UBXN2B: variants seen among roughly 807,000 people sequenced by gnomAD.
UBXN2B encodes the protein UBX domain-containing protein 2B.
In UBXN2B, 19 loss-of-function variants were observed where a neutral mutation model predicts 37.5. That is an observed-to-expected ratio of 0.51 (90% CI 0.35 to 0.74). The LOEUF is 0.74. UBXN2B is among the 30% of genes least tolerant of loss of function. The pLI, the probability that UBXN2B is intolerant of heterozygous loss-of-function variation, is 0.01. For synonymous variants in UBXN2B, 145 were observed against 143.8 expected (o/e 1.01, Z -0.06); for missense variants, 370 against 393.2 (o/e 0.94, Z 0.50).
intron 2 of UBXN2B, among the ~76,000 whole-genome samples, chr8:58,419,405 GC>G (rs780724846): frequency 8.5e-4 from 130 of 152,264 alleles, no homozygotes; most frequent in Non-Finnish European, 9.1e-4. Flanking sequence ...GTCATTTTAA[GC>G]CAAGACAGTT....
intron 2 of UBXN2B, among the ~76,000 whole-genome samples, chr8:58,418,241 CAAAAAAAAAAAAA>C (rs56073006): frequency 3.7e-5 from 4 of 109,120 alleles, no homozygotes; most frequent in Non-Finnish European, 5.6e-5. Flanking sequence ...ACTCTGTCTC[CAAAAAAAAAAAAA>C]AAAAAAAAAA....
chr8:58,425,762 A>G (rs919716249), intron 2 of UBXN2B: 3 of 1,147,790 alleles, frequency 2.6e-6, no homozygotes, highest in Admixed American at 3.4e-5. Context: ...TGTTTCCATC[A>G]TAGGATTCTT....
chr8:58,442,388 T>C (rs1808570815), intron 6 of UBXN2B, among the ~76,000 whole-genome samples: 1 of 152,242 alleles, frequency 6.6e-6, no homozygotes, highest in Admixed American at 6.5e-5. Context: ...TTAACCTTCA[T>C]TTAGAAAGTA....
intron 6 of UBXN2B, among the ~76,000 whole-genome samples, chr8:58,440,620 T>TA (rs1339874046): frequency 6.6e-6 from 1 of 152,200 alleles, no homozygotes; most frequent in Non-Finnish European, 1.5e-5. Flanking sequence ...CGTCCACATA[T>TA]TGTTGCAGGT....
At chr8:58,434,362 TATATA>T in intron 4 of UBXN2B, 28 bp from the exon 5 acceptor site, 4 of 585,868 alleles carry the variant, frequency 6.8e-6, no homozygotes, top group Admixed American at 4.7e-5. Flanking sequence ...TATATATATA[TATATA>T]TATTTTTTTT....
intron 2 of UBXN2B, chr8:58,425,818 T>A (rs1393581956): frequency 8.5e-7 from 1 of 1,169,634 alleles, no homozygotes; most frequent in African/African-American, 1.5e-5. Context: ...ACCGTTCTCC[T>A]CCACCAACAT....
intron 2 of UBXN2B, among the ~76,000 whole-genome samples, chr8:58,427,832 G>A (rs1247533155): frequency 6.6e-6 from 1 of 152,170 alleles, no homozygotes; most frequent in East Asian, 1.9e-4. Context: ...TAAATATTTT[G>A]ATGATGACAT....
chr8:58,428,859 A>G (rs1368437300), intron 2 of UBXN2B, among the ~76,000 whole-genome samples: 1 of 152,238 alleles, frequency 6.6e-6, no homozygotes, highest in East Asian at 1.9e-4. Context: ...AGTGCAGAGC[A>G]GTGAGGGGCA....
chr8:58,446,071 A>C lies in UBXN2B; in HGVS notation c.833+3A>C. ...CAAAGATTCAATAGTACACACAGGT[A>C]AGCTTCTTTACCAACAGTGTCCTGT... is the stretch of plus-strand genomic sequence containing the variant. On this transcript the variant is annotated splice_donor_region_variant and intron_variant, in intron 7 of 7. Coordinates refer to ENST00000399598, the MANE Select transcript of UBXN2B (RefSeq NM_001077619.2). 6.2e-7 allele frequency: 1 copy of C among 1,604,598 alleles called. No individual in the cohort carries two copies.
intron 1 of UBXN2B, among the ~76,000 whole-genome samples, chr8:58,416,477 G>A (rs1225569689): frequency 1.3e-5 from 2 of 152,084 alleles, no homozygotes; most frequent in Non-Finnish European, 2.9e-5. Flanking sequence ...TATTTTATGA[G>A]ATCTGATGGA....
Position 58,433,194 on chromosome 8 carries a change from C to T in UBXN2B, c.374C>T (p.Ser125Phe), listed in dbSNP as rs1357411373. ...FTGGGYRLGS[S>F]FCKRSEYIYG... ...GGTGGAGGATACAGATTGGGTAGTTCTTTTTGTAAGCGGTCTGAATATATC... is the reference window on the plus strand; with the variant it reads ...GGTGGAGGATACAGATTGGGTAGTTTTTTTTGTAAGCGGTCTGAATATATC... The change falls in exon 4 of 8, where the codon TCT becomes TTT. Residue 125 changes from serine to phenylalanine, a missense_variant. Ser to Phe is a radical substitution (Grantham distance 155). This residue lies in a region of UBXN2B where 197 missense variants were observed against 170.2 expected (regional missense o/e 1.16). Transcript: ENST00000399598. 6.2e-7 allele frequency: 1 copy of T among 1,612,940 alleles called. No homozygotes were observed. The highest frequency in any genetic ancestry group is 8.5e-7 in the Non-Finnish European group (1 of 1,179,422).
At chr8:58,435,941 A>G (rs562114776) in intron 5 of UBXN2B, among the ~76,000 whole-genome samples, 2 of 152,372 alleles carry the variant, frequency 1.3e-5, no homozygotes, top group South Asian at 2.1e-4. Context: ...AGAAGAACTC[A>G]TAGATAATAT....
Position 58,448,511 on chromosome 8 carries a change from C to T in UBXN2B, c.*960C>T, listed in dbSNP as rs578047225. ...GTTCTTAAGAAGATATGGTAAACAG[C>T]AACAATATTTTAAAATCAAGTAATT... On this transcript the variant is annotated 3_prime_UTR_variant, in exon 8 of 8. Coordinates refer to ENST00000399598, the MANE Select transcript of UBXN2B (RefSeq NM_001077619.2). The T allele has an allele frequency of 6.6e-6, 1 of 152,242 alleles. No individual in the cohort carries two copies. Among genetic ancestry groups the T allele is most frequent in the Non-Finnish European group, 1.5e-5 (1 of 68,000 alleles). The allele number at this position is 152,242 out of a possible 1,614,324, so 9.4% of individuals were successfully genotyped here. A position where few individuals can be genotyped will look rare whatever the true frequency, so the allele number is the denominator to read the frequency against.
At chr8:58,415,344 A>C (rs1280523756) in intron 1 of UBXN2B, among the ~76,000 whole-genome samples, 1 of 152,096 alleles carries the variant, frequency 6.6e-6, no homozygotes, top group Non-Finnish European at 1.5e-5. Context: ...AATCCATAAA[A>C]TAATACTACT....
intron 2 of UBXN2B, chr8:58,426,631 G>A (rs1039533172): frequency 2.4e-5 from 18 of 744,392 alleles, no homozygotes; most frequent in Non-Finnish European, 4.3e-5. Context: ...ATCAACAGTG[G>A]GTTTTCTGCC....
chr8:58,412,336 T>TA (rs1807660243), intron 1 of UBXN2B, among the ~76,000 whole-genome samples: 1 of 152,236 alleles, frequency 6.6e-6, no homozygotes, highest in South Asian at 2.1e-4. Flanking sequence ...ATCAAATCCT[T>TA]AGTCGGTGCT....
chr8:58,437,332 T>C (rs1349885427), intron 5 of UBXN2B, among the ~76,000 whole-genome samples: 4 of 139,428 alleles, frequency 2.9e-5, no homozygotes, highest in Admixed American at 7.0e-5. Context: ...TTTTTTTTTT[T>C]TTTTTTTTTT....
chr8:58,438,144 C>A (rs1288763453), intron 5 of UBXN2B, among the ~76,000 whole-genome samples: 3 of 152,204 alleles, frequency 2.0e-5, no homozygotes, highest in African/African-American at 7.2e-5. Context: ...GGGCACAAGC[C>A]ACTACTGTAA....
At position 58,446,779 on chromosome 8, in the gene UBXN2B, A is replaced by ATTTTTTTTTT. The variant is rs869090698; in HGVS notation, c.834-583_834-574dup. Among the ~76,000 whole-genome samples, 170 of 17,402 alleles carry ATTTTTTTTTT rather than the reference A, an allele frequency of 9.8e-3. 68 individuals are homozygous for ATTTTTTTTTT. Among genetic ancestry groups the ATTTTTTTTTT allele is most frequent in the East Asian group, 0.02 (10 of 496 alleles). 11.4% of individuals were successfully genotyped at this position (17,402 alleles called of 152,430 possible). A position where few individuals can be genotyped will look rare whatever the true frequency, so the allele number is the denominator to read the frequency against. On this transcript the variant is annotated intron_variant, in intron 7 of 7. Transcript: ENST00000399598. ...ATACTCCGAAAAAAGTACAACCTGC[A>ATTTTTTTTTT]TTTTTTTTTTTTTTTTTTTTTTTTT...
Sources: allele counts gnomAD v4.1 joint callset (sites outside exome capture counted in the v4.1 genomes callset), GRCh38; gene constraint gnomAD v4.1.1; regional missense constraint gnomAD v4.1.1; transcripts MANE v1.5; gene names NCBI Gene and HGNC (gene_info 2026-07-23, HGNC 2026-07-21).